ZZEF1: variants seen among roughly 807,000 people sequenced by gnomAD.
ZZEF1 encodes zinc finger ZZ-type and EF-hand domain containing 1, also known as zinc finger ZZ-type and EF-hand domain-containing protein 1.
ZZEF1 carries 157 observed loss-of-function variants against 342.8 expected under a neutral mutation model. The observed-to-expected ratio is 0.46, with a 90% CI of 0.40 to 0.52. ZZEF1 has a LOEUF of 0.52. ZZEF1 is among the 20% of genes least tolerant of loss of function. The pLI is 0.00. For missense variants in ZZEF1, 3,480 were observed against 3,725.6 expected (o/e 0.93, Z 1.72); for synonymous variants, 1,505 against 1,429.1 (o/e 1.05, Z -1.20).
intron 45 of ZZEF1, among the ~76,000 whole-genome samples, chr17:4,020,393 G>T (rs1335104512): frequency 6.6e-6 from 1 of 152,212 alleles, no homozygotes; most frequent in Non-Finnish European, 1.5e-5. Context: ...CTCTGTGCCA[G>T]GGGATGCAAA....
intron 9 of ZZEF1, among the ~76,000 whole-genome samples, chr17:4,100,829 C>T (rs1448748515): frequency 1.3e-5 from 2 of 152,022 alleles, no homozygotes; most frequent in African/African-American, 2.4e-5. Context: ...AGTGAGACTT[C>T]GTCTCAAAAA....
Position 4,117,085 on chromosome 17 carries a change from C to T in ZZEF1, c.581G>A (p.Arg194Gln), listed in dbSNP as rs750956886. The change falls in exon 3 of 55, where the codon CGG becomes CAG. Residue 194 changes from arginine to glutamine, a missense_variant. Physicochemically the swap from Arg to Gln is conservative, Grantham distance 43. Around this residue, in one of 5 missense-constraint regions of ZZEF1, gnomAD observed 416 missense variants for 374.2 expected, o/e 1.11. Coordinates refer to ENST00000381638, the MANE Select transcript of ZZEF1 (RefSeq NM_015113.4). The stretch of plus-strand genomic sequence containing the variant: ...GTAGGGCATCACCGCGCTGGAGAGC[C>T]GATTGCGGTGCAGGAAGCGCAGTAT... ...SMILRFLHRN[R>Q]LSSAVMPYPM... 12 of 1,614,124 alleles carry T rather than the reference C, an allele frequency of 7.4e-6. No individual in the cohort carries two copies. Among genetic ancestry groups the T allele is most frequent in the East Asian group, 2.2e-5 (1 of 44,878 alleles).
Position 4,016,721 on chromosome 17 carries a change from A to C in ZZEF1, c.8002-255T>G. 2.4e-6 allele frequency: 1 copy of C among 415,574 alleles called. No individual in the cohort carries two copies. The highest frequency in any genetic ancestry group is 4.1e-5 in the East Asian group (1 of 24,642). 25.7% of individuals were successfully genotyped at this position (415,574 alleles called of 1,614,324 possible). On this transcript the variant is annotated intron_variant, in intron 48 of 54. Transcript: ENST00000381638. This position sits in a 1 kb window ranked among gnomAD's most constrained non-coding sequence, Gnocchi z 4.4. ...TGGTCTGAAAGAACTAACTGAACCA[A>C]TCATAAAGGGTCCTGGTCCTTGAAG...
intron 37 of ZZEF1, among the ~76,000 whole-genome samples, chr17:4,047,872 T>C (rs1349434815): frequency 1.3e-4 from 20 of 149,194 alleles, no homozygotes; most frequent in Non-Finnish European, 1.5e-5. Context: ...GCCCAGGAGG[T>C]GGAGGTTGCA....
intron 35 of ZZEF1, among the ~76,000 whole-genome samples, chr17:4,051,555 G>A (rs1224916833): frequency 6.6e-6 from 1 of 151,924 alleles, no homozygotes; most frequent in Non-Finnish European, 1.5e-5. Context: ...CAAGTAGCTG[G>A]GATTACAGGC....
rs1399164802 is a variant in ZZEF1 at position 4,058,114 on chromosome 17, A to T, written c.5045T>A (p.Leu1682His). The change falls in exon 32 of 55, where the codon CTT becomes CAT. Residue 1682 changes from leucine to histidine, a missense_variant. Leu to His is a moderately conservative substitution (Grantham distance 99). Transcript: ENST00000381638. ...TTCCCAGCCCATATCCAAAAGATGA[A>T]GCAGGGCTGTCTGAACACAGGATAA... ...PALSCVQTALLHLLDMGWEPN... is the reference protein window; with the variant it reads ...PALSCVQTALHHLLDMGWEPN... 6.2e-7 allele frequency: 1 copy of T among 1,614,082 alleles called. No individual in the cohort carries two copies. Among genetic ancestry groups the T allele is most frequent in the South Asian group, 1.1e-5 (1 of 91,058 alleles).
At chr17:4,034,341 A>C (rs2056615373) in intron 39 of ZZEF1, 49 bp from the exon 40 acceptor site, 1 of 1,592,754 alleles carries the variant, frequency 6.3e-7, no homozygotes, top group African/African-American at 1.3e-5. Context: ...CCACATAACC[A>C]AACTTGCTAA....
chr17:4,064,651 G>A lies in ZZEF1; in HGVS notation c.4428C>T (p.Pro1476=), dbSNP rs1362498113. Residue 1476 remains proline (P), a synonymous_variant, in exon 29 of 55, where the codon CCC becomes CCT. Transcript: ENST00000381638. Reference sequence around the variant, plus strand: ...CTGTGGCAGGGGGTGCGGCTTCAGTGGGAGATACTGAGGCTTGGAAATGCT... The same window carrying A: ...CTGTGGCAGGGGGTGCGGCTTCAGTAGGAGATACTGAGGCTTGGAAATGCT... ...VEEHFQASVS[P]TEAAPPATGD... is the part of the protein sequence containing the mutation. 3 of 1,614,032 alleles carry A rather than the reference G, an allele frequency of 1.9e-6. No individual in the cohort carries two copies. The Admixed American group carries it at 5.0e-5, about 27-fold the overall frequency.
At chr17:4,117,409 G>A (rs1157879844) in intron 2 of ZZEF1, among the ~76,000 whole-genome samples, 2 of 152,156 alleles carry the variant, frequency 1.3e-5, no homozygotes, top group Non-Finnish European at 1.5e-5. Flanking sequence ...ACTTTGGGAG[G>A]CCGAGGCGGA....
chr17:4,113,799 A>C (rs2058352330), intron 4 of ZZEF1, among the ~76,000 whole-genome samples: 1 of 152,110 alleles, frequency 6.6e-6, no homozygotes, highest in South Asian at 2.1e-4. Context: ...GTGAGGCCCC[A>C]TTTCTACAAA....
At chr17:4,043,258 G>A (rs1414318496) in intron 38 of ZZEF1, among the ~76,000 whole-genome samples, 2 of 152,150 alleles carry the variant, frequency 1.3e-5, no homozygotes, top group African/African-American at 4.8e-5. Flanking sequence ...AGGTGTTTCT[G>A]GAGCATGGCA....
At chr17:4,069,047 G>T (rs2057458310) in intron 26 of ZZEF1, among the ~76,000 whole-genome samples, 1 of 152,170 alleles carries the variant, frequency 6.6e-6, no homozygotes, top group Non-Finnish European at 1.5e-5. Flanking sequence ...GAAACAACCT[G>T]CACACAGCAA....
At chr17:4,009,440 TGG>T in intron 53 of ZZEF1, 162 bp downstream of exon 53, 1 of 965,582 alleles carries the variant, frequency 1.0e-6, no homozygotes, top group Non-Finnish European at 1.6e-6. Flanking sequence ...TTCCCAGGCC[TGG>T]GAGAGGCGAG....
In ZZEF1 at chr17:4,112,789, C is replaced by T. The variant is rs1347275081; in HGVS notation, c.886G>A (p.Val296Ile). The T allele has an allele frequency of 1.3e-6, 2 of 1,570,822 alleles. No individual in the cohort carries two copies. The highest frequency in any genetic ancestry group is 1.7e-6 in the Non-Finnish European group (2 of 1,156,948). The part of the protein sequence containing the change: ...HWIRLKMKPD[V>I]VLRHLSIAVA... ...GCAATGGACAGGTGCCTAAGCACAA[C>T]ATCTGGCTTCATTTTTAAACTGGAA... Residue 296 changes from valine (V) to isoleucine (I), a missense_variant, in exon 5 of 55, where the codon GTT becomes ATT. Around this residue, in one of 5 missense-constraint regions of ZZEF1, gnomAD observed 92 missense variants for 130.3 expected, o/e 0.71. Coordinates refer to ENST00000381638, the MANE Select transcript of ZZEF1 (RefSeq NM_015113.4).
rs576379918 is a variant in ZZEF1 at position 4,040,007 on chromosome 17, A to C, written c.6306+2422T>G. ...TCACAGAGATAATATTTATTTTGAC[A>C]CGGTCTAATGAAACGTCTGAATTCC... On this transcript the variant is annotated intron_variant, in intron 39 of 54. Transcript: ENST00000381638. Among the ~76,000 whole-genome samples, 37 of 152,302 alleles carry C rather than the reference A, an allele frequency of 2.4e-4. No homozygotes were observed. The South Asian group carries it at 6.8e-3, about 28-fold the overall frequency.
intron 44 of ZZEF1, 105 bp downstream of exon 44, chr17:4,022,604 G>A (rs1385004785): frequency 3.3e-6 from 5 of 1,531,054 alleles, no homozygotes; most frequent in Non-Finnish European, 4.5e-6. Flanking sequence ...TGTACTAAAG[G>A]AGTGTGCACA....
chr17:4,119,483 C>T (rs1457976977), intron 2 of ZZEF1, among the ~76,000 whole-genome samples: 1 of 152,244 alleles, frequency 6.6e-6, no homozygotes, highest in Non-Finnish European at 1.5e-5. Flanking sequence ...AGGAAGCCAA[C>T]ATGGGGATTC....
intron 53 of ZZEF1, 60 bp from the exon 54 acceptor site, chr17:4,009,014 A>C (rs969707893): frequency 6.6e-7 from 1 of 1,524,536 alleles, no homozygotes; most frequent in Admixed American, 2.0e-5. Context: ...CAGCTCTCCC[A>C]GACCACCTGG....
At chr17:4,034,526 G>A (rs1018587996) in intron 39 of ZZEF1, among the ~76,000 whole-genome samples, 1 of 151,876 alleles carries the variant, frequency 6.6e-6, no homozygotes, top group African/African-American at 2.4e-5. Flanking sequence ...TAAAATACTT[G>A]GTTTCCCCCT....
Sources: gnomAD v4.1 joint callset for allele counts (sites outside exome capture counted in the v4.1 genomes callset) on GRCh38, gnomAD v4.1.1 for gene constraint, gnomAD v4.1.1 regional missense constraint, Gnocchi (gnomAD v3.1) non-coding constraint, MANE v1.5 for transcripts, NCBI Gene and HGNC (gene_info 2026-07-23, HGNC 2026-07-21) for gene names.